NRXN2: variants seen among roughly 807,000 people sequenced by gnomAD.
NRXN2 encodes neurexin-2-beta.
Under a neutral mutation model 128.8 loss-of-function variants are expected in NRXN2, and 29 were observed. The observed-to-expected ratio is 0.23, with a 90% CI of 0.17 to 0.31. The LOEUF is 0.31. Ranked by LOEUF, NRXN2 falls within the 10% of genes least tolerant of loss-of-function variation. The pLI, the probability that NRXN2 is intolerant of heterozygous loss-of-function variation, is 1.00. For synonymous variants in NRXN2, 1,098 were observed against 1,075.2 expected, an observed-to-expected ratio of 1.02 and a Z score of -0.41; for missense variants, 1,881 against 2,452.6, an observed-to-expected ratio of 0.77 and a Z score of 4.92.
intron 17 of NRXN2, chr11:64,643,358 G>A: frequency 1.3e-6 from 1 of 767,750 alleles, no homozygotes; most frequent in Non-Finnish European, 1.6e-6. Context: ...GGAGCGGCCG[G>A]GGGAGGGGGG....
intron 6 of NRXN2, among the ~76,000 whole-genome samples, chr11:64,683,660 A>C (rs1440484307): frequency 2.0e-5 from 3 of 151,874 alleles, no homozygotes; most frequent in African/African-American, 7.3e-5. Context: ...ATTCCCCCAG[A>C]ATCCCTTTTT....
intron 22 of NRXN2, among the ~76,000 whole-genome samples, chr11:64,608,884 G>A (rs1264084746): frequency 6.6e-6 from 1 of 152,084 alleles, no homozygotes; most frequent in Non-Finnish European, 1.5e-5. Flanking sequence ...GGGCAGGAGG[G>A]CTTAGAGAGT....
At chr11:64,696,564 C>CACA (rs1592182227) in intron 3 of NRXN2, among the ~76,000 whole-genome samples, 2 of 150,312 alleles carry the variant, frequency 1.3e-5, no homozygotes, top group Non-Finnish European at 3.0e-5. Context: ...CACACACACA[C>CACA]CTGCCTGCTG....
In NRXN2 at chr11:64,607,095, C is replaced by T. The variant is rs1370921356; in HGVS notation, c.*101G>A. The T allele has an allele frequency of 2.7e-5, 35 of 1,303,906 alleles. No homozygotes were observed. Among genetic ancestry groups the T allele is most frequent in the Non-Finnish European group, 3.6e-5 (34 of 947,542 alleles). The allele number at this position is 1,303,906 out of a possible 1,614,324, so 80.8% of individuals were successfully genotyped here. On this transcript the variant is annotated 3_prime_UTR_variant, in exon 23 of 23. Transcript: ENST00000265459. ...TCTTCGTAAGAGAAGCCTGAGGCAG[C>T]CAGGGAGAGGGTCCCCAGGCCCCTG... is the stretch of plus-strand genomic sequence containing the variant.
intron 2 of NRXN2, among the ~76,000 whole-genome samples, chr11:64,712,383 C>T (rs1259240898): frequency 6.6e-6 from 1 of 151,558 alleles, no homozygotes; most frequent in African/African-American, 2.4e-5. Context: ...GCCCAGCCCA[C>T]ACTGGCCTTC....
chr11:64,701,718 G>A (rs969747893), intron 2 of NRXN2, among the ~76,000 whole-genome samples: 4 of 152,210 alleles, frequency 2.6e-5, no homozygotes, highest in Admixed American at 6.5e-5. Context: ...CAGCCTGGAC[G>A]ACGGAGAAGA....
At chr11:64,629,710 T>C (rs1591609122) in intron 19 of NRXN2, among the ~76,000 whole-genome samples, 1 of 152,320 alleles carries the variant, frequency 6.6e-6, no homozygotes. Context: ...GCCCCGGACC[T>C]AGCACAAGCC....
intron 3 of NRXN2, among the ~76,000 whole-genome samples, chr11:64,697,382 G>A (rs2054695668): frequency 6.6e-6 from 1 of 152,166 alleles, no homozygotes; most frequent in African/African-American, 2.4e-5. Flanking sequence ...GCCCACCCCA[G>A]CCTGCCCCAG....
chr11:64,651,660 T>A lies in NRXN2; in HGVS notation c.2537-24A>T, dbSNP rs1318319711. ...TCCTGCTCAGGACAGGAGACCAAGA[T>A]GAGGGGGATGGCTTTGGGGCAGGGC... is the stretch of plus-strand genomic sequence containing the variant. On this transcript the variant is annotated intron_variant, in intron 13 of 22. Coordinates refer to ENST00000265459, the MANE Select transcript of NRXN2 (RefSeq NM_015080.4). The surrounding 1 kb of genome is among the most constrained non-coding windows in gnomAD (Gnocchi z 5.9). 1.2e-6 allele frequency: 2 copies of A among 1,612,224 alleles called. No individual in the cohort carries two copies. Among genetic ancestry groups the A allele is most frequent in the South Asian group, 1.1e-5 (1 of 91,054 alleles).
intron 8 of NRXN2, among the ~76,000 whole-genome samples, chr11:64,668,139 G>A (rs930920565): frequency 3.3e-5 from 5 of 152,202 alleles, no homozygotes; most frequent in Non-Finnish European, 2.9e-5. Context: ...CAGAACCAAT[G>A]AGTGGAAGAG....
intron 22 of NRXN2, among the ~76,000 whole-genome samples, chr11:64,616,581 C>T (rs1178116761): frequency 6.6e-6 from 1 of 152,116 alleles, no homozygotes; most frequent in East Asian, 1.9e-4. Context: ...GAGGGCGTGT[C>T]ACAAGGTATA....
Position 64,631,176 on chromosome 11 carries a change from C to T in NRXN2, c.3586-603G>A, listed in dbSNP as rs1052197779. ...TCTGAGTGTGGGGGTGGACCCTCTG[C>T]AGCCATGGGGGTGGAGGTGGGGGGT... On this transcript the variant is annotated intron_variant, in intron 18 of 22. Transcript: ENST00000265459. This position sits in a 1 kb window ranked among gnomAD's most constrained non-coding sequence, Gnocchi z 4.8. Among the ~76,000 whole-genome samples the T allele has an allele frequency of 6.6e-6, 1 of 152,020 alleles. No homozygotes were observed. Among genetic ancestry groups the T allele is most frequent in the Non-Finnish European group, 1.5e-5 (1 of 67,996 alleles).
In NRXN2 at chr11:64,631,280, G is replaced by T. The variant is rs961555751; in HGVS notation, c.3586-707C>A. On this transcript the variant is annotated intron_variant, in intron 18 of 22. Transcript: ENST00000265459. This position sits in a 1 kb window ranked among gnomAD's most constrained non-coding sequence, Gnocchi z 4.8. ...GCTAGACTGACCAAGAAAGGGGATC[G>T]TGGGGGTTTCGGGGTAGGGGGTGGA... 2.0e-5 allele frequency among the ~76,000 whole-genome samples: 3 copies of T among 151,684 alleles called. No individual in the cohort carries two copies. The highest frequency in any genetic ancestry group is 2.9e-5 in the Non-Finnish European group (2 of 67,898).
Position 64,606,748 on chromosome 11 carries a change from A to G in NRXN2, c.*448T>C. On this transcript the variant is annotated 3_prime_UTR_variant, in exon 23 of 23. Transcript: ENST00000265459. Reference sequence around the variant, plus strand: ...GAGGGTGGGGACAGTGAGACACAGCAAGCCTGGGATGGGGATTGGAGGGCT... The same window carrying G: ...GAGGGTGGGGACAGTGAGACACAGCGAGCCTGGGATGGGGATTGGAGGGCT... 1 of 165,354 alleles carries G rather than the reference A, an allele frequency of 6.0e-6. No individual in the cohort carries two copies. 10.2% of individuals were successfully genotyped at this position (165,354 alleles called of 1,614,324 possible).
intron 4 of NRXN2, among the ~76,000 whole-genome samples, chr11:64,691,914 C>G (rs912172857): frequency 1.3e-5 from 2 of 152,220 alleles, no homozygotes; most frequent in African/African-American, 4.8e-5. Context: ...GATGACCCCC[C>G]CACAGAGGGC....
At position 64,660,469 on chromosome 11, in the gene NRXN2, G is replaced by A. The variant is rs780982478; in HGVS notation, c.2252C>T (p.Thr751Met). ...MKIMLPNAMH[T>M]EAEDVSLRFM... ...ACGCAGGGACACATCCTCTGCCTCC[G>A]TGTGCATGGCGTTAGGCAGCATGAT... is the stretch of plus-strand genomic sequence containing the variant. The change falls in exon 11 of 23, where the codon ACG becomes ATG. Residue 751 changes from threonine to methionine, a missense_variant. Transcript: ENST00000265459. This position sits in a 1 kb window ranked among gnomAD's most constrained non-coding sequence, Gnocchi z 5.2. 9 of 1,614,188 alleles carry A rather than the reference G, an allele frequency of 5.6e-6. No homozygotes were observed. Among genetic ancestry groups the A allele is most frequent in the South Asian group, 2.2e-5 (2 of 91,084 alleles).
At chr11:64,633,331 C>T (rs979678147) in intron 18 of NRXN2, among the ~76,000 whole-genome samples, 1 of 152,322 alleles carries the variant, frequency 6.6e-6, no homozygotes, top group South Asian at 2.1e-4. Flanking sequence ...GGGATACTAG[C>T]TAACACAGCA....
Position 64,632,866 on chromosome 11 carries a change from C to T in NRXN2, c.3586-2293G>A, listed in dbSNP as rs549141550. On this transcript the variant is annotated intron_variant, in intron 18 of 22. Coordinates refer to ENST00000265459, the MANE Select transcript of NRXN2 (RefSeq NM_015080.4). This position sits in a 1 kb window ranked among gnomAD's most constrained non-coding sequence, Gnocchi z 4.2. The stretch of plus-strand genomic sequence containing the variant: ...AAATTAATTTGGCAAAGTGGAGCGA[C>T]GCTTTATTAGAAACGTCAAATTGCT... Among the ~76,000 whole-genome samples, 5 of 152,320 alleles carry T rather than the reference C, an allele frequency of 3.3e-5. No homozygotes were observed. The highest frequency in any genetic ancestry group is 1.3e-4 in the Admixed American group (2 of 15,310).
chr11:64,675,240 T>C (rs985862153), intron 7 of NRXN2: 3 of 152,296 alleles, frequency 2.0e-5, no homozygotes, highest in Non-Finnish European at 4.4e-5. Context: ...TATGCCCCAT[T>C]GGAACACCAA....
Sources: allele counts gnomAD v4.1 joint callset (sites outside exome capture counted in the v4.1 genomes callset), GRCh38; gene constraint gnomAD v4.1.1; non-coding constraint Gnocchi (gnomAD v3.1); transcripts MANE v1.5; gene names NCBI Gene and HGNC (gene_info 2026-07-23, HGNC 2026-07-21).